Variants in EPHA6 observed in about 807,000 individuals in gnomAD.
EPHA6 encodes the protein ephrin type-A receptor 6.
In EPHA6, 50 loss-of-function variants were observed where a neutral mutation model predicts 112.0. The observed-to-expected ratio is 0.45, with a 90% confidence interval of 0.36 to 0.56. The LOEUF (loss-of-function observed/expected upper bound fraction) is 0.56, where lower values mean the gene tolerates loss of function less well. Ranked by LOEUF, EPHA6 falls within the 20% of genes least tolerant of loss-of-function variation. The probability of loss-of-function intolerance (pLI) is 0.00; values close to 1 mark genes in which losing one functional copy is unlikely to be tolerated. For synonymous variants in EPHA6, 529 were observed against 490.7 expected (o/e 1.08, Z -1.03); for missense variants, 1,280 against 1,417.4 (o/e 0.90, Z 1.56).
chr3:96,926,420 T>C (rs2040039934), intron 2 of EPHA6, among the ~76,000 whole-genome samples: 1 of 152,130 alleles, frequency 6.6e-6, no homozygotes, highest in Non-Finnish European at 1.5e-5. Flanking sequence ...TCTCATATCT[T>C]CTTGCATTTC....
chr3:97,634,707 C>T (rs1037294372), intron 13 of EPHA6, among the ~76,000 whole-genome samples: 1 of 151,988 alleles, frequency 6.6e-6, no homozygotes, highest in Non-Finnish European at 1.5e-5. Flanking sequence ...AGGACAGGGG[C>T]CCAGTCTTTC....
chr3:96,933,415 A>G (rs2040434408), intron 2 of EPHA6, among the ~76,000 whole-genome samples: 1 of 152,016 alleles, frequency 6.6e-6, no homozygotes, highest in Non-Finnish European at 1.5e-5. Flanking sequence ...TTAGCTAAAT[A>G]TGTTTATAAA....
At chr3:97,347,565 T>C (rs1363036504) in intron 5 of EPHA6, among the ~76,000 whole-genome samples, 1 of 152,096 alleles carries the variant, frequency 6.6e-6, no homozygotes, top group African/African-American at 2.4e-5. Context: ...TATTTGAAAG[T>C]GACTCCAATG....
At chr3:97,310,572 G>A (rs1290216337) in intron 5 of EPHA6, among the ~76,000 whole-genome samples, 1 of 151,360 alleles carries the variant, frequency 6.6e-6, no homozygotes, top group African/African-American at 2.4e-5. Context: ...AAAAGAGTCT[G>A]GTCACACTAC....
At chr3:97,220,521 A>G (rs977999045) in intron 3 of EPHA6, among the ~76,000 whole-genome samples, 5 of 152,202 alleles carry the variant, frequency 3.3e-5, no homozygotes, top group African/African-American at 9.6e-5. Flanking sequence ...ATTTACAATC[A>G]TGGCAGAAGG....
intron 5 of EPHA6, among the ~76,000 whole-genome samples, chr3:97,245,704 AGG>A (rs2078968794): frequency 6.6e-6 from 1 of 151,954 alleles, no homozygotes; most frequent in Non-Finnish European, 1.5e-5. Flanking sequence ...AGTGGTTGCC[AGG>A]GCTTAGAGAT....
chr3:97,520,754 G>A (rs2092528161), intron 10 of EPHA6, among the ~76,000 whole-genome samples: 3 of 152,118 alleles, frequency 2.0e-5, no homozygotes, highest in African/African-American at 7.2e-5. Context: ...TAAATCTCTT[G>A]CTAAACTTGG....
chr3:96,931,017 A>AT, intron 2 of EPHA6, among the ~76,000 whole-genome samples: 1 of 149,188 alleles, frequency 6.7e-6, no homozygotes, highest in Non-Finnish European at 1.5e-5. Flanking sequence ...AAAAAAAAAA[A>AT]AAAAGAAAAG....
intron 4 of EPHA6, among the ~76,000 whole-genome samples, chr3:97,233,857 C>T (rs2078604663): frequency 6.6e-6 from 1 of 152,016 alleles, no homozygotes; most frequent in Non-Finnish European, 1.5e-5. Context: ...AAATGAGTAA[C>T]CAAAATATTT....
At chr3:96,971,988 A>G (rs2042332870) in intron 2 of EPHA6, among the ~76,000 whole-genome samples, 2 of 152,300 alleles carry the variant, frequency 1.3e-5, no homozygotes, top group South Asian at 4.1e-4. Flanking sequence ...TTATAGATTT[A>G]TTATGATTTT....
intron 3 of EPHA6, among the ~76,000 whole-genome samples, chr3:97,086,351 A>C (rs1395297328): frequency 6.6e-6 from 1 of 152,128 alleles, no homozygotes; most frequent in Non-Finnish European, 1.5e-5. Context: ...ATTATAGGTT[A>C]GATATGTACT....
chr3:97,405,152 C>T lies in EPHA6; in HGVS notation c.1609C>T (p.Pro537Ser), dbSNP rs1463599601. The change falls in exon 6 of 18, where the codon CCT becomes TCT. Residue 537 changes from proline (P) to serine (S), a missense_variant and splice_region_variant. Coordinates refer to ENST00000389672, the MANE Select transcript of EPHA6 (RefSeq NM_001080448.3). ...TTAGTTATTTTCTTTCCTTTCAGCACCTTCCCTGATAGGTGTGGTAAGGAA... is the reference window on the plus strand; with the variant it reads ...TTAGTTATTTTCTTTCCTTTCAGCATCTTCCCTGATAGGTGTGGTAAGGAA... Reference protein sequence around the residue: ...AITVTTDQDAPSLIGVVRKDW... With the variant: ...AITVTTDQDASSLIGVVRKDW... 23 of 1,593,646 alleles carry T rather than the reference C, an allele frequency of 1.4e-5. No individual in the cohort carries two copies. The highest frequency in any genetic ancestry group is 2.7e-5 in the African/African-American group (2 of 74,658).
In EPHA6 at chr3:97,241,881, T is replaced by C. The variant is rs184034717; in HGVS notation, c.1271-2071T>C. ...AATATAAGTGAATAATAATTCCTGC[T>C]TTCCATTATAAATAAGAGAAAAGAC... is the stretch of plus-strand genomic sequence containing the variant. On this transcript the variant is annotated intron_variant, in intron 4 of 17. Coordinates refer to ENST00000389672, the MANE Select transcript of EPHA6 (RefSeq NM_001080448.3). Among the ~76,000 whole-genome samples the C allele has an allele frequency of 2.0e-5, 3 of 151,558 alleles. No individual in the cohort carries two copies. The East Asian group carries it at 5.8e-4, about 29-fold the overall frequency.
At chr3:97,086,488 TAA>T (rs2046904706) in intron 3 of EPHA6, among the ~76,000 whole-genome samples, 1 of 152,118 alleles carries the variant, frequency 6.6e-6, no homozygotes, top group Non-Finnish European at 1.5e-5. Flanking sequence ...AAGTTTTTAA[TAA>T]GTTTTACAAT....
chr3:97,513,085 A>G (rs1486868222), intron 10 of EPHA6, among the ~76,000 whole-genome samples: 1 of 152,190 alleles, frequency 6.6e-6, no homozygotes, highest in Non-Finnish European at 1.5e-5. Flanking sequence ...TACTAATGTT[A>G]CATATTTTCA....
chr3:96,923,286 C>T (rs1278448373), intron 2 of EPHA6, among the ~76,000 whole-genome samples: 2 of 152,202 alleles, frequency 1.3e-5, no homozygotes, highest in South Asian at 4.1e-4. Flanking sequence ...TCCTCCACAA[C>T]CTAACCAGCA....
intron 2 of EPHA6, among the ~76,000 whole-genome samples, chr3:96,951,921 G>A (rs2041553808): frequency 6.6e-6 from 1 of 152,062 alleles, no homozygotes; most frequent in Admixed American, 6.6e-5. Flanking sequence ...ATGGTCTCCA[G>A]GAAGGAAGAA....
chr3:97,194,555 A>G (rs1191610378), intron 3 of EPHA6, among the ~76,000 whole-genome samples: 5 of 151,986 alleles, frequency 3.3e-5, no homozygotes, highest in African/African-American at 1.2e-4. Context: ...CATTAGATGA[A>G]TTGTTCTATA....
At chr3:97,493,603 G>A (rs1165173790) in intron 10 of EPHA6, among the ~76,000 whole-genome samples, 2 of 148,762 alleles carry the variant, frequency 1.3e-5, no homozygotes, top group East Asian at 2.0e-4. Context: ...ATAAATTTTG[G>A]GGGGACACAA....
Sources: allele counts gnomAD v4.1 joint callset (sites outside exome capture counted in the v4.1 genomes callset), GRCh38; gene constraint gnomAD v4.1.1; transcripts MANE v1.5; gene names NCBI Gene and HGNC (gene_info 2026-07-23, HGNC 2026-07-21).